EVA1A: variants seen among roughly 807,000 people sequenced by gnomAD.
EVA1A encodes the protein protein eva-1 homolog A.
EVA1A carries 7 observed loss-of-function variants against 9.8 expected under a neutral mutation model. The ratio of observed to expected loss-of-function variants is 0.71; its 90% CI spans 0.41 to 1.34. The LOEUF is 1.34. EVA1A is among the 40% of genes most tolerant of loss of function. The pLI is 0.01. For synonymous variants in EVA1A, 90 were observed against 85.6 expected, an observed-to-expected ratio of 1.05 and a Z score of -0.28; for missense variants, 206 against 205.9, an observed-to-expected ratio of 1.00 and a Z score of 0.00.
At chr2:75,504,310 C>T (rs1321618315) in intron 3 of EVA1A, among the ~76,000 whole-genome samples, 1 of 152,112 alleles carries the variant, frequency 6.6e-6, no homozygotes, top group Non-Finnish European at 1.5e-5. Flanking sequence ...ACTAGGGAGG[C>T]TGGGGCAGGA....
chr2:75,501,447 G>C (rs1165218548), intron 3 of EVA1A, among the ~76,000 whole-genome samples: 1 of 152,062 alleles, frequency 6.6e-6, no homozygotes, highest in Non-Finnish European at 1.5e-5. Context: ...TCTCCCCTTA[G>C]GAAAAGAAGA....
In EVA1A at chr2:75,493,380, C is replaced by T. The variant is rs1267759526; in HGVS notation, c.315G>A (p.Arg105=). The change falls in exon 4 of 4, where the codon AGG becomes AGA. Residue 105 remains arginine, a synonymous_variant. Transcript: ENST00000393913. The stretch of plus-strand genomic sequence containing the variant: ...AGGTGAACACATTCTTGTTCAAAGT[C>T]CTCTCGAAGCGGCGGTGTCTCCGCA... ...LSVRRHRRFE[R]TLNKNVFTSA... 6.2e-7 allele frequency: 1 copy of T among 1,614,256 alleles called. No homozygotes were observed. The highest frequency in any genetic ancestry group is 1.1e-5 in the South Asian group (1 of 91,086).
upstream of EVA1A, among the ~76,000 whole-genome samples, chr2:75,563,040 G>A (rs2104002947): frequency 6.6e-6 from 1 of 152,288 alleles, no homozygotes; most frequent in East Asian, 1.9e-4. Flanking sequence ...ATCTACCTTT[G>A]GATTTAAAAA....
At chr2:75,564,209 G>A (rs903606673), upstream of EVA1A, among the ~76,000 whole-genome samples, 1 of 152,210 alleles carries the variant, frequency 6.6e-6, no homozygotes, top group Non-Finnish European at 1.5e-5. Flanking sequence ...GAACACAGGA[G>A]AGGTTGGAAC....
chr2:75,502,422 C>T (rs1674463626), intron 3 of EVA1A, among the ~76,000 whole-genome samples: 1 of 152,224 alleles, frequency 6.6e-6, no homozygotes, highest in Admixed American at 6.5e-5. Flanking sequence ...TTGAGCTATA[C>T]TCCTTCTACT....
chr2:75,518,004 T>G, intron 3 of EVA1A, 52 bp downstream of exon 3: 1 of 1,609,574 alleles, frequency 6.2e-7, no homozygotes, highest in Non-Finnish European at 8.5e-7. Flanking sequence ...GGAGACAACC[T>G]TGGACCCAGC....
intron 1 of EVA1A, chr2:75,558,340 CT>C (rs1371445782): frequency 6.6e-6 from 1 of 152,182 alleles, no homozygotes; most frequent in Non-Finnish European, 1.5e-5. Flanking sequence ...AAGTAATTAA[CT>C]TTTAACAGAG....
At chr2:75,536,817 C>G (rs1464732299) in intron 1 of EVA1A, among the ~76,000 whole-genome samples, 1 of 151,998 alleles carries the variant, frequency 6.6e-6, no homozygotes, top group Middle Eastern at 3.2e-3. Flanking sequence ...TTTTAACCCC[C>G]CCGCTCCAAA....
chr2:75,518,371 T>C (rs934115565), intron 2 of EVA1A, among the ~76,000 whole-genome samples, 163 bp from the exon 3 acceptor site: 2 of 152,130 alleles, frequency 1.3e-5, no homozygotes, highest in African/African-American at 2.4e-5. Flanking sequence ...CCCACTTTTT[T>C]GGGGGTATAG....
chr2:75,543,209 C>A (rs1676199199), intron 1 of EVA1A, among the ~76,000 whole-genome samples: 1 of 152,090 alleles, frequency 6.6e-6, no homozygotes, highest in African/African-American at 2.4e-5. Flanking sequence ...TAGGGAAGAC[C>A]ATGCTGACAG....
chr2:75,534,388 A>G lies in EVA1A; in HGVS notation c.-191-11901T>C, dbSNP rs74636917. On this transcript the variant is annotated intron_variant, in intron 1 of 3. Coordinates refer to ENST00000393913, the MANE Select transcript of EVA1A (RefSeq NM_001135032.2). ...GGTGAAATGGCACCAGCAGATGGTA[A>G]ATATATATATGTAGTAACACCTGGA... Among the ~76,000 whole-genome samples, 952 of 152,244 alleles carry G rather than the reference A, an allele frequency of 6.3e-3. 11 individuals carry two copies. Among genetic ancestry groups the G allele is most frequent in the African/African-American group, 0.022 (894 of 41,536 alleles).
At chr2:75,527,170 C>T (rs747874230) in intron 1 of EVA1A, among the ~76,000 whole-genome samples, 2 of 152,126 alleles carry the variant, frequency 1.3e-5, no homozygotes, top group African/African-American at 2.4e-5. Flanking sequence ...AACAAAAAAC[C>T]CATGGCCTCA....
intron 1 of EVA1A, among the ~76,000 whole-genome samples, chr2:75,567,389 T>C (rs921554471): frequency 3.9e-5 from 6 of 152,196 alleles, no homozygotes; most frequent in African/African-American, 1.4e-4. Context: ...CTGAGCCCTA[T>C]GTTAGGGTTT....
intron 1 of EVA1A, among the ~76,000 whole-genome samples, chr2:75,558,174 T>C (rs950408352): frequency 1.3e-5 from 2 of 152,200 alleles, no homozygotes; most frequent in Non-Finnish European, 2.9e-5. Context: ...ATGTATAAAA[T>C]GCTAAACTTG....
intron 1 of EVA1A, among the ~76,000 whole-genome samples, chr2:75,568,338 A>C (rs1307672693): frequency 6.7e-6 from 1 of 150,018 alleles, no homozygotes; most frequent in East Asian, 1.9e-4. Flanking sequence ...ATAATTAAGT[A>C]AAATTTAATA....
intron 1 of EVA1A, among the ~76,000 whole-genome samples, chr2:75,528,766 C>G (rs972447560): frequency 6.6e-6 from 1 of 152,116 alleles, no homozygotes; most frequent in Non-Finnish European, 1.5e-5. Flanking sequence ...CCGAAGTTAT[C>G]CAGGTGACCT....
chr2:75,514,284 T>A (rs763033421), intron 3 of EVA1A, among the ~76,000 whole-genome samples: 2 of 152,170 alleles, frequency 1.3e-5, no homozygotes, highest in Non-Finnish European at 2.9e-5. Flanking sequence ...ATTTCTGGAT[T>A]AGGTGATGCC....
chr2:75,513,250 C>A (rs1248351022), intron 3 of EVA1A, among the ~76,000 whole-genome samples: 1 of 152,092 alleles, frequency 6.6e-6, no homozygotes, highest in African/African-American at 2.4e-5. Context: ...TGTTCATCAC[C>A]TTCTTTTTAT....
At chr2:75,531,789 A>T (rs1310848227) in intron 1 of EVA1A, among the ~76,000 whole-genome samples, 2 of 152,168 alleles carry the variant, frequency 1.3e-5, no homozygotes, top group African/African-American at 4.8e-5. Flanking sequence ...AAGGGGTAAA[A>T]GACTATACAT....
Sources: allele counts gnomAD v4.1 joint callset (sites outside exome capture counted in the v4.1 genomes callset), GRCh38; gene constraint gnomAD v4.1.1; transcripts MANE v1.5; gene names NCBI Gene and HGNC (gene_info 2026-07-23, HGNC 2026-07-21).